TDRD3: variants seen among roughly 807,000 people sequenced by gnomAD.
TDRD3 encodes tudor domain containing 3.
Under a neutral mutation model 86.7 loss-of-function variants are expected in TDRD3, and 45 were observed. The observed-to-expected ratio is 0.52, with a 90% CI of 0.41 to 0.67. The LOEUF (loss-of-function observed/expected upper bound fraction) is 0.67. TDRD3 is among the 30% of genes least tolerant of loss of function. The probability of loss-of-function intolerance (pLI) is 0.00; values close to 1 mark genes in which losing one functional copy is unlikely to be tolerated. For synonymous variants in TDRD3, 298 were observed against 301.7 expected (o/e 0.99, Z 0.13); for missense variants, 814 against 889.0 (o/e 0.92, Z 1.07).
rs56000636 is a variant in TDRD3, at chr13:60,461,545, A to G, written c.353+1005A>G. On this transcript the variant is annotated intron_variant, in intron 4 of 13. Transcript: ENST00000377881. ...TTTGGTCTTCTTTGTCATTTTATACACTCACGTTTGCAGCTCGGGCTCCTC... is the reference window on the plus strand; with the variant it reads ...TTTGGTCTTCTTTGTCATTTTATACGCTCACGTTTGCAGCTCGGGCTCCTC... 3.3e-3 allele frequency among the ~76,000 whole-genome samples: 498 copies of G among 152,082 alleles called. 2 individuals are homozygous for G. Among genetic ancestry groups the G allele is most frequent in the Admixed American group, 5.5e-3 (84 of 15,242 alleles).
intron 8 of TDRD3, among the ~76,000 whole-genome samples, chr13:60,507,278 T>G (rs1460995418): frequency 6.6e-6 from 1 of 152,130 alleles, no homozygotes; most frequent in Non-Finnish European, 1.5e-5. Flanking sequence ...ACTGTCAATA[T>G]GAGGTCATCG....
At chr13:60,551,781 C>T (rs1595107556) in intron 12 of TDRD3, among the ~76,000 whole-genome samples, 1 of 152,240 alleles carries the variant, frequency 6.6e-6, no homozygotes, top group Non-Finnish European at 1.5e-5. Flanking sequence ...AGGAAACTTA[C>T]AATATGGTAA....
At chr13:60,518,112 G>C (rs1257201058) in intron 10 of TDRD3, among the ~76,000 whole-genome samples, 1 of 152,184 alleles carries the variant, frequency 6.6e-6, no homozygotes, top group Admixed American at 6.5e-5. Flanking sequence ...AAGATGGCAG[G>C]CACAGTACCA....
At chr13:60,429,193 C>A (rs899369310) in intron 1 of TDRD3, among the ~76,000 whole-genome samples, 1 of 152,054 alleles carries the variant, frequency 6.6e-6, no homozygotes, top group African/African-American at 2.4e-5. Flanking sequence ...AATGGCTGCC[C>A]TTTTTAATTG....
intron 5 of TDRD3, among the ~76,000 whole-genome samples, chr13:60,478,080 C>G (rs750171882): frequency 1.7e-4 from 26 of 152,092 alleles, no homozygotes; most frequent in Non-Finnish European, 3.4e-4. Context: ...CAGGTTTTCA[C>G]TCCCTTCCTG....
intron 1 of TDRD3, among the ~76,000 whole-genome samples, chr13:60,430,079 A>G (rs1002608655): frequency 6.6e-6 from 1 of 152,190 alleles, no homozygotes; most frequent in Non-Finnish European, 1.5e-5. Context: ...GCACAGAAAG[A>G]TGAAGTAAAT....
chr13:60,443,329 G>T (rs539318631), intron 2 of TDRD3, among the ~76,000 whole-genome samples: 1 of 151,872 alleles, frequency 6.6e-6, no homozygotes, highest in South Asian at 2.1e-4. Flanking sequence ...CGTGAGGTAC[G>T]GTTTATATTT....
At chr13:60,518,708 G>T (rs1261313998) in intron 10 of TDRD3, among the ~76,000 whole-genome samples, 1 of 152,136 alleles carries the variant, frequency 6.6e-6, no homozygotes, top group Non-Finnish European at 1.5e-5. Flanking sequence ...TATGCTTAAT[G>T]CATTATATAC....
chr13:60,523,244 A>T lies in TDRD3; in HGVS notation c.1142-5123A>T, dbSNP rs142103465. ...GCAGGTACAACTGCTTCTGGAGAAT[A>T]TTCTGCAAAAAAGTATTAATATTTT... On this transcript the variant is annotated intron_variant, in intron 10 of 13. Transcript: ENST00000377881. Among the ~76,000 whole-genome samples the T allele has an allele frequency of 7.6e-3, 1,151 of 152,320 alleles. 17 individuals carry two copies. The highest frequency in any genetic ancestry group is 0.027 in the African/African-American group (1,114 of 41,556).
At chr13:60,415,619 A>C (rs932357098) in intron 1 of TDRD3, among the ~76,000 whole-genome samples, 1 of 152,204 alleles carries the variant, frequency 6.6e-6, no homozygotes, top group Admixed American at 6.5e-5. Context: ...TGAAGAGTAC[A>C]TTAATTTTTC....
chr13:60,557,820 A>ATTTTTTTTTTTTTTTTTTTTTTTTTT lies in TDRD3; in HGVS notation c.2119-9683_2119-9682insTTTTTTTTTTTTTTTTTTTTTTTTTT, dbSNP rs749028045. 5.2e-4 allele frequency among the ~76,000 whole-genome samples: 46 copies of ATTTTTTTTTTTTTTTTTTTTTTTTTT among 88,280 alleles called. 7 individuals carry two copies. Among genetic ancestry groups the ATTTTTTTTTTTTTTTTTTTTTTTTTT allele is most frequent in the South Asian group, 2.1e-3 (4 of 1,932 alleles). The allele number at this position is 88,280 out of a possible 152,430, so 57.9% of individuals were successfully genotyped here. A position where few individuals can be genotyped will look rare whatever the true frequency, so the allele number is the denominator to read the frequency against. On this transcript the variant is annotated intron_variant, in intron 12 of 13. Transcript: ENST00000377881. Reference sequence around the variant, plus strand: ...GGCATAAAGGATTTTTTTTTTCCTGATTTTTTTTTTTTTTTTTTTTTTGAG... The same window carrying ATTTTTTTTTTTTTTTTTTTTTTTTTT: ...GGCATAAAGGATTTTTTTTTTCCTGATTTTTTTTTTTTTTTTTTTTTTTTTTTTTTTTTTTTTTTTTTTTTTTTGAG...
intron 1 of TDRD3, among the ~76,000 whole-genome samples, chr13:60,423,985 G>A (rs934738031): frequency 1.3e-5 from 2 of 151,992 alleles, no homozygotes; most frequent in African/African-American, 4.8e-5. Flanking sequence ...AAATCCTGAT[G>A]TTTTCTCTCC....
intron 8 of TDRD3, among the ~76,000 whole-genome samples, chr13:60,497,805 C>T (rs185805115): frequency 2.0e-5 from 3 of 152,058 alleles, no homozygotes; most frequent in Non-Finnish European, 2.9e-5. Flanking sequence ...ACAGCTTCCC[C>T]ATCCCCAGTA....
chr13:60,426,048 C>T (rs910204922), intron 1 of TDRD3, among the ~76,000 whole-genome samples: 1 of 152,070 alleles, frequency 6.6e-6, no homozygotes, highest in East Asian at 1.9e-4. Context: ...TGCTAACACC[C>T]GAGTTCAAGG....
At chr13:60,425,041 A>C (rs752216551) in intron 1 of TDRD3, among the ~76,000 whole-genome samples, 4 of 152,230 alleles carry the variant, frequency 2.6e-5, no homozygotes, top group Non-Finnish European at 5.9e-5. Flanking sequence ...TTATCGGATG[A>C]ACAGTCTTGG....
intron 1 of TDRD3, among the ~76,000 whole-genome samples, chr13:60,408,201 C>T (rs763469829): frequency 6.6e-5 from 10 of 152,206 alleles, no homozygotes; most frequent in African/African-American, 1.2e-4. Context: ...TTTCACCTCC[C>T]GCCATGATTC....
chr13:60,483,436 T>G (rs1262809833), intron 5 of TDRD3, among the ~76,000 whole-genome samples: 1 of 152,116 alleles, frequency 6.6e-6, no homozygotes, highest in East Asian at 1.9e-4. Flanking sequence ...CTGTCATAGC[T>G]TTATGCTTTA....
chr13:60,506,790 C>T (rs1163075703), intron 8 of TDRD3, among the ~76,000 whole-genome samples: 1 of 152,082 alleles, frequency 6.6e-6, no homozygotes, highest in Non-Finnish European at 1.5e-5. Context: ...GAAGAAACTG[C>T]ATCAGCTAAA....
chr13:60,397,432 G>T, intron 1 of TDRD3, 27 bp downstream of exon 1: 1 of 1,479,574 alleles, frequency 6.8e-7, no homozygotes, highest in Non-Finnish European at 9.0e-7. Context: ...GCCGGCTGCC[G>T]GGCCGCGGGT....
Sources: gnomAD v4.1 joint callset for allele counts (sites outside exome capture counted in the v4.1 genomes callset) on GRCh38, gnomAD v4.1.1 for gene constraint, MANE v1.5 for transcripts, NCBI Gene and HGNC (gene_info 2026-07-23, HGNC 2026-07-21) for gene names.